The following UBE2L6 variants were observed in gnomAD, a reference collection of about 807,000 sequenced individuals.
UBE2L6 encodes ubiquitin/ISG15-conjugating enzyme E2 L6.
UBE2L6 carries 11 observed loss-of-function variants against 13.6 expected under a neutral mutation model. The ratio of observed to expected loss-of-function variants is 0.81; its 90% CI spans 0.51 to 1.34. The LOEUF (loss-of-function observed/expected upper bound fraction) is 1.34. UBE2L6 is among the 40% of genes most tolerant of loss of function. UBE2L6 has a pLI of 0.00. For synonymous variants in UBE2L6, 74 were observed against 83.2 expected (o/e 0.89, Z 0.60); for missense variants, 197 against 199.5 (o/e 0.99, Z 0.07).
At chr11:57,562,340 C>T (rs966946269) in intron 1 of UBE2L6, among the ~76,000 whole-genome samples, 5 of 152,208 alleles carry the variant, frequency 3.3e-5, no homozygotes, top group African/African-American at 9.7e-5. Context: ...CTAAGGTTTC[C>T]GACTCCAGGC....
chr11:57,564,080 T>A (rs1035284973), intron 1 of UBE2L6, among the ~76,000 whole-genome samples: 2 of 152,008 alleles, frequency 1.3e-5, no homozygotes. Context: ...GAGAAAGATA[T>A]CAATATCCAA....
chr11:57,558,900 T>G (rs1175399292), intron 2 of UBE2L6, among the ~76,000 whole-genome samples: 1 of 152,232 alleles, frequency 6.6e-6, no homozygotes, highest in African/African-American at 2.4e-5. Context: ...CTGGGATTCC[T>G]CCCAAGTATC....
intron 1 of UBE2L6, 123 bp downstream of exon 1, chr11:57,567,462 G>T: frequency 7.2e-7 from 1 of 1,381,980 alleles, no homozygotes; most frequent in Non-Finnish European, 1.0e-6. Context: ...CAGGGATTCA[G>T]CCAGCCCTGG....
intron 2 of UBE2L6, among the ~76,000 whole-genome samples, chr11:57,558,077 T>C (rs1945011140): frequency 6.6e-6 from 1 of 152,174 alleles, no homozygotes; most frequent in African/African-American, 2.4e-5. Context: ...TTTGCTACTT[T>C]ATTTTGTTTT....
intron 1 of UBE2L6, 45 bp from the exon 2 acceptor site, chr11:57,560,477 A>G (rs1480465503): frequency 2.1e-6 from 3 of 1,442,510 alleles, no homozygotes; most frequent in Admixed American, 1.7e-5. Flanking sequence ...AGTCCTCCTT[A>G]TTTCAGCCCC....
intron 1 of UBE2L6, chr11:57,566,943 G>GCCCT: frequency 2.6e-5 from 2 of 75,878 alleles, no homozygotes; most frequent in Non-Finnish European, 5.4e-5. Flanking sequence ...GTTCATCTCT[G>GCCCT]CCCGCCCCCC....
At chr11:57,554,399 C>A in intron 3 of UBE2L6, 38 bp downstream of exon 3, 2 of 1,605,624 alleles carry the variant, frequency 1.2e-6, no homozygotes, top group Non-Finnish European at 1.7e-6. Context: ...AATCTCTACC[C>A]AGTATCAGTC....
Position 57,554,642 on chromosome 11 carries a change from G to A in UBE2L6, c.124-19C>T. ...GTTGGTCCTGTGCAGAGAGAAAAGG[G>A]GTCAAGCTCCAGTCTGGTTTTCCTC... On this transcript the variant is annotated intron_variant, in intron 2 of 3. Transcript: ENST00000287156. 1 of 1,613,330 alleles carries A rather than the reference G, an allele frequency of 6.2e-7. No homozygotes were observed. Among genetic ancestry groups the A allele is most frequent in the Non-Finnish European group, 8.5e-7 (1 of 1,179,706 alleles).
At chr11:57,566,945 CCG>C (rs1412205984) in intron 1 of UBE2L6, 3 of 98,082 alleles carry the variant, frequency 3.1e-5, no homozygotes, top group South Asian at 4.8e-5. Context: ...TCATCTCTGC[CCG>C]CCCCCCCCCC....
rs780534083 is a variant in UBE2L6, at chr11:57,552,426, T to C, written c.394A>G (p.Asn132Asp). 1 of 1,614,066 alleles carries C rather than the reference T, an allele frequency of 6.2e-7. No homozygotes were observed. The highest frequency in any genetic ancestry group is 8.5e-7 in the Non-Finnish European group (1 of 1,180,040). ...GCATTCTTTCTGAACAGCTCCGGAT[T>C]CTGTGTCAGCAGGTCAGCGAGGTCC... ...RMDLADLLTQ[N>D]PELFRKNAEE... The change falls in exon 4 of 4, where the codon AAT becomes GAT. Residue 132 changes from asparagine to aspartate, a missense_variant. Transcript: ENST00000287156.
At chr11:57,558,613 G>T (rs141486014) in intron 2 of UBE2L6, among the ~76,000 whole-genome samples, 241 of 152,208 alleles carry the variant, frequency 1.6e-3, no homozygotes, top group African/African-American at 5.5e-3. Context: ...AACAGCACTT[G>T]GTCCACAGGA....
chr11:57,558,759 G>A (rs961066748), intron 2 of UBE2L6, among the ~76,000 whole-genome samples: 2 of 152,222 alleles, frequency 1.3e-5, no homozygotes, highest in African/African-American at 4.8e-5. Flanking sequence ...GGAGGAATTT[G>A]TGTGCTATTC....
intron 3 of UBE2L6, 110 bp from the exon 4 acceptor site, chr11:57,552,619 A>G (rs560693307): frequency 8.1e-6 from 11 of 1,365,906 alleles, no homozygotes; most frequent in South Asian, 6.6e-5. Flanking sequence ...GAAAGGTTAC[A>G]TCGCTTAGGA....
rs764266792 is a variant in UBE2L6 at position 57,554,591 on chromosome 11, G to T, written c.156C>A (p.Asn52Lys). The change falls in exon 3 of 4, where the codon AAC becomes AAA. Residue 52 changes from asparagine to lysine, a missense_variant. Asn to Lys is a moderately conservative substitution (Grantham distance 94). Coordinates refer to ENST00000287156, the MANE Select transcript of UBE2L6 (RefSeq NM_004223.5). Reference protein sequence around the residue: ...DQPPYHLKAFNLRISFPPEYP... With the variant: ...DQPPYHLKAFKLRISFPPEYP... ...ACTCCGGCGGGAAGCTGATGCGCAG[G>T]TTGAAGGCTTTCAGGTGGTAGGGAG... 3 of 1,614,196 alleles carry T rather than the reference G, an allele frequency of 1.9e-6. No homozygotes were observed. The highest frequency in any genetic ancestry group is 2.5e-6 in the Non-Finnish European group (3 of 1,180,036).
Position 57,552,383 on chromosome 11 carries a change from C to A in UBE2L6, c.437G>T (p.Arg146Leu), listed in dbSNP as rs770937454. The A allele has an allele frequency of 5.0e-6, 8 of 1,614,086 alleles. No individual in the cohort carries two copies. The highest frequency in any genetic ancestry group is 1.3e-5 in the African/African-American group (1 of 74,926). Residue 146 changes from arginine (R) to leucine (L), a missense_variant, in exon 4 of 4, where the codon CGA becomes CTA. Arg to Leu is a moderately radical substitution (Grantham distance 102). Transcript: ENST00000287156. ...TTAGGAGGGCCGGTCCACTCCGAAT[C>A]GGAGGGTGAACTCTTCGGCATTCTT... is the stretch of plus-strand genomic sequence containing the variant. ...FRKNAEEFTL[R>L]FGVDRPS
At chr11:57,560,165 GT>G (rs1945027148) in intron 2 of UBE2L6, among the ~76,000 whole-genome samples, 171 bp downstream of exon 2, 1 of 152,196 alleles carries the variant, frequency 6.6e-6, no homozygotes, top group Non-Finnish European at 1.5e-5. Flanking sequence ...AACCTCAGAA[GT>G]ATCTGGATCT....
intron 2 of UBE2L6, 82 bp from the exon 3 acceptor site, chr11:57,554,705 G>C: frequency 6.8e-7 from 1 of 1,464,776 alleles, no homozygotes; most frequent in East Asian, 2.3e-5. Flanking sequence ...GGCATCCTCT[G>C]CTTCACTCCC....
intron 1 of UBE2L6, chr11:57,567,132 T>C: frequency 2.2e-6 from 1 of 459,818 alleles, no homozygotes; most frequent in Non-Finnish European, 4.4e-6. Context: ...AGGACTCTAG[T>C]AATACAGGCA....
At chr11:57,559,454 C>T (rs2729374) in intron 2 of UBE2L6, among the ~76,000 whole-genome samples, 124,308 of 152,080 alleles carry the variant, frequency 0.82, 51,173 homozygotes, top group African/African-American at 0.9. Flanking sequence ...CCACTAAAAA[C>T]ACAAAAATTA....
Sources: gnomAD v4.1 joint callset for allele counts (sites outside exome capture counted in the v4.1 genomes callset) on GRCh38, gnomAD v4.1.1 for gene constraint, MANE v1.5 for transcripts, NCBI Gene and HGNC (gene_info 2026-07-23, HGNC 2026-07-21) for gene names.